Variants in MAP2 observed in about 807,000 individuals in gnomAD.
MAP2 encodes the protein microtubule associated protein 2.
MAP2 carries 14 observed loss-of-function variants against 137.6 expected under a neutral mutation model. The observed-to-expected ratio is 0.10, with a 90% confidence interval of 0.07 to 0.16. MAP2 has a LOEUF of 0.16. Among genes scored for constraint, MAP2 ranks in the 10% least tolerant of loss-of-function variants. The pLI is 1.00. For synonymous variants in MAP2, 786 were observed against 782.3 expected (o/e 1.00, Z -0.08); for missense variants, 2,088 against 2,191.5 (o/e 0.95, Z 0.94).
chr2:209,459,026 A>G (rs1212853730), intron 1 of MAP2, among the ~76,000 whole-genome samples: 1 of 152,264 alleles, frequency 6.6e-6, no homozygotes, highest in Non-Finnish European at 1.5e-5. Flanking sequence ...AAGGAAATAT[A>G]GATCAAGCTA....
chr2:209,492,182 CAAAA>C (rs912068277), intron 1 of MAP2, among the ~76,000 whole-genome samples: 22 of 150,936 alleles, frequency 1.5e-4, no homozygotes, highest in African/African-American at 5.3e-4. Flanking sequence ...AAACCAATGA[CAAAA>C]AACACATGAT....
chr2:209,706,661 A>G (rs1227232402), intron 12 of MAP2, among the ~76,000 whole-genome samples: 1 of 152,104 alleles, frequency 6.6e-6, no homozygotes, highest in Non-Finnish European at 1.5e-5. Context: ...AGGAAATAGT[A>G]CTAGAGAACT....
At chr2:209,491,910 A>AT (rs929548822) in intron 1 of MAP2, among the ~76,000 whole-genome samples, 1 of 152,218 alleles carries the variant, frequency 6.6e-6, no homozygotes, top group African/African-American at 2.4e-5. Context: ...ATTCCAAACA[A>AT]TAAAAAAAGA....
Position 209,694,116 on chromosome 2 carries a change from C to G in MAP2, c.1946C>G (p.Pro649Arg), listed in dbSNP as rs778967761. 4.3e-6 allele frequency: 7 copies of G among 1,613,956 alleles called. No individual in the cohort carries two copies. The South Asian group carries it at 7.7e-5, about 18-fold the overall frequency. Residue 649 changes from proline (P) to arginine (R), a missense_variant, in exon 8 of 16, where the codon CCT (proline) becomes CGT (arginine). Physicochemically the swap from Pro to Arg is moderately radical, Grantham distance 103. This residue lies in a region of MAP2 where 859 missense variants were observed against 794.5 expected (regional missense o/e 1.08). Transcript: ENST00000682079. ...TLAQSYPSDL[P>R]EEPSSPQERM... The stretch of plus-strand genomic sequence containing the variant: ...GCACAGAGTTATCCATCAGATTTAC[C>G]TGAAGAACCCAGTTCTCCTCAAGAA...
chr2:209,634,549 G>T (rs572601524), intron 4 of MAP2, among the ~76,000 whole-genome samples: 21 of 152,204 alleles, frequency 1.4e-4, no homozygotes, highest in African/African-American at 5.1e-4. Context: ...AGTGTACACA[G>T]CACTTCTTTC....
intron 1 of MAP2, among the ~76,000 whole-genome samples, chr2:209,486,739 A>G (rs1431428930): frequency 6.6e-6 from 1 of 152,232 alleles, no homozygotes; most frequent in Admixed American, 6.5e-5. Flanking sequence ...GGTGAATTAT[A>G]GGGGAAAATG....
intron 2 of MAP2, among the ~76,000 whole-genome samples, chr2:209,524,987 C>A (rs952010463): frequency 1.1e-4 from 16 of 152,086 alleles, no homozygotes; most frequent in African/African-American, 3.6e-4. Context: ...AGCTGTGTTA[C>A]CTTGAATAAG....
rs1232832861 is a variant in MAP2 at position 209,654,306 on chromosome 2, G to A, written c.262+874G>A. On this transcript the variant is annotated intron_variant, in intron 5 of 15. Transcript: ENST00000682079. ...TTGCAAAAATAGGTTTTCAGCAGTTGTTCTGATAAAAGCAAGTACCCTGCA... is the reference window on the plus strand; with the variant it reads ...TTGCAAAAATAGGTTTTCAGCAGTTATTCTGATAAAAGCAAGTACCCTGCA... Among the ~76,000 whole-genome samples the A allele has an allele frequency of 6.6e-5, 10 of 152,146 alleles. No homozygotes were observed. The South Asian group carries it at 1.9e-3, about 28-fold the overall frequency.
At chr2:209,660,910 A>ATTT (rs1297790238) in intron 5 of MAP2, among the ~76,000 whole-genome samples, 23 of 110,132 alleles carry the variant, frequency 2.1e-4, no homozygotes, top group African/African-American at 6.8e-4. Flanking sequence ...AATTTTTTGT[A>ATTT]TTTTTTTTTT....
At chr2:209,641,721 C>G (rs1375947211) in intron 4 of MAP2, among the ~76,000 whole-genome samples, 1 of 151,628 alleles carries the variant, frequency 6.6e-6, no homozygotes, top group Non-Finnish European at 1.5e-5. Context: ...AAAAAAATTA[C>G]TGGTAGAGAC....
At chr2:209,562,155 T>C (rs2072258780) in intron 2 of MAP2, among the ~76,000 whole-genome samples, 1 of 152,172 alleles carries the variant, frequency 6.6e-6, no homozygotes, top group Non-Finnish European at 1.5e-5. Flanking sequence ...AAAATAATTT[T>C]GCTCAGTGAC....
chr2:209,664,962 CAAAAAAAAAAAA>C (rs67286716), intron 5 of MAP2, among the ~76,000 whole-genome samples: 6 of 51,836 alleles, frequency 1.2e-4, no homozygotes, highest in South Asian at 1.4e-3. Flanking sequence ...AACTCCGTCT[CAAAAAAAAAAAA>C]AAAAAAAAAA....
chr2:209,705,867 TC>T, intron 12 of MAP2, 140 bp downstream of exon 12: 1 of 759,596 alleles, frequency 1.3e-6, no homozygotes, highest in Non-Finnish European at 2.0e-6. Context: ...GATCAGAAAA[TC>T]CAGAATGTAG....
In MAP2 at chr2:209,693,579, T is replaced by C. The variant is rs1163478870; in HGVS notation, c.1409T>C (p.Ile470Thr). The change falls in exon 8 of 16, where the codon ATA (isoleucine) becomes ACA (threonine). Residue 470 changes from isoleucine (I) to threonine (T), a missense_variant. This residue lies in a region of MAP2 where 859 missense variants were observed against 794.5 expected (regional missense o/e 1.08). Coordinates refer to ENST00000682079, the MANE Select transcript of MAP2 (RefSeq NM_001375505.1). The stretch of plus-strand genomic sequence containing the variant: ...CCCCCAAAACCTGCAGATGAAGAAA[T>C]AGGCATAATTCAGACCTCCACAGAG... The part of the protein sequence containing the change: ...SKPPKPADEE[I>T]GIIQTSTEHT... The C allele has an allele frequency of 1.2e-6, 2 of 1,613,146 alleles. No individual in the cohort carries two copies. Among genetic ancestry groups the C allele is most frequent in the South Asian group, 2.2e-5 (2 of 90,838 alleles).
intron 3 of MAP2, among the ~76,000 whole-genome samples, chr2:209,611,314 G>C (rs1471950754): frequency 2.6e-5 from 4 of 152,034 alleles, no homozygotes; most frequent in African/African-American, 7.2e-5. Context: ...CAGAACTCTG[G>C]ATTTTTAACC....
chr2:209,518,119 A>G (rs886216191), intron 2 of MAP2, among the ~76,000 whole-genome samples: 6 of 152,064 alleles, frequency 3.9e-5, no homozygotes, highest in African/African-American at 9.7e-5. Flanking sequence ...TTCCAATACA[A>G]CTGAGTGGTT....
Position 209,696,051 on chromosome 2 carries a change from T to C in MAP2, c.3881T>C (p.Val1294Ala). Residue 1294 changes from valine (V) to alanine (A), a missense_variant, in exon 8 of 16, where the codon GTA (valine) becomes GCA (alanine). Coordinates refer to ENST00000682079, the MANE Select transcript of MAP2 (RefSeq NM_001375505.1). Reference protein sequence around the residue: ...VVTIEDDFITVVQTTTDEGES... With the variant: ...VVTIEDDFITAVQTTTDEGES... ...ACCATCGAGGATGATTTCATCACTG[T>C]AGTGCAAACCACAACTGATGAAGGG... 1 of 1,614,088 alleles carries C rather than the reference T, an allele frequency of 6.2e-7. No individual in the cohort carries two copies. Among genetic ancestry groups the C allele is most frequent in the South Asian group, 1.1e-5 (1 of 91,074 alleles).
At chr2:209,536,972 A>G (rs75793113) in intron 2 of MAP2, among the ~76,000 whole-genome samples, 4,112 of 152,138 alleles carry the variant, frequency 0.027, 188 homozygotes, top group African/African-American at 0.094. Context: ...CAGTGGCGGG[A>G]CATGTGTTTT....
intron 2 of MAP2, chr2:209,579,435 A>C (rs2075894832): frequency 6.6e-6 from 1 of 152,182 alleles, no homozygotes; most frequent in Non-Finnish European, 1.5e-5. Context: ...CAAACCGCTA[A>C]ATCGTAAGTG....
Sources: allele counts gnomAD v4.1 joint callset (sites outside exome capture counted in the v4.1 genomes callset), GRCh38; gene constraint gnomAD v4.1.1; regional missense constraint gnomAD v4.1.1; transcripts MANE v1.5; gene names NCBI Gene and HGNC (gene_info 2026-07-23, HGNC 2026-07-21).